Variants in CACNA1A observed in about 807,000 individuals in gnomAD.
The protein encoded by CACNA1A is calcium voltage-gated channel subunit alpha1 A, also known as voltage-dependent P/Q-type calcium channel subunit alpha-1A.
Under a neutral mutation model 262.4 loss-of-function variants are expected in CACNA1A, and 57 were observed. The observed-to-expected ratio is 0.22, with a 90% CI of 0.18 to 0.27. CACNA1A has a LOEUF of 0.27. CACNA1A is among the 10% of genes least tolerant of loss of function. The probability of loss-of-function intolerance (pLI) is 1.00; values close to 1 mark genes in which losing one functional copy is unlikely to be tolerated. For synonymous variants in CACNA1A, 1,431 were observed against 1,419.3 expected, an observed-to-expected ratio of 1.01 and a Z score of -0.18; for missense variants, 2,526 against 3,562.8, an observed-to-expected ratio of 0.71 and a Z score of 7.41.
Position 13,207,633 on chromosome 19 carries a change from G to A in CACNA1A, c.7201C>T (p.Pro2401Ser). Residue 2401 changes from proline to serine, a missense_variant, in exon 47 of 47, where the codon CCC (proline) becomes TCC (serine). Coordinates refer to ENST00000360228, the MANE Select transcript of CACNA1A (RefSeq NM_001127222.2). This position sits in a 1 kb window ranked among gnomAD's most constrained non-coding sequence, Gnocchi z 5.7. ...PASGPHVSEG[P>S]PGPRHHGYYR... ...TAGCCATGGTGCCGGGGACCCGGGG[G>A]CCCCTCGGACACGTGCGGGCCAGAT... is the stretch of plus-strand genomic sequence containing the variant. 2.7e-6 allele frequency: 4 copies of A among 1,478,032 alleles called. No homozygotes were observed. Among genetic ancestry groups the A allele is most frequent in the Non-Finnish European group, 3.6e-6 (4 of 1,115,076 alleles). 91.6% of individuals were successfully genotyped at this position (1,478,032 alleles called of 1,614,324 possible).
At chr19:13,446,443 T>C in intron 3 of CACNA1A, among the ~76,000 whole-genome samples, 1 of 67,748 alleles carries the variant, frequency 1.5e-5, no homozygotes, top group East Asian at 1.1e-3. Context: ...TTTTTCTTTC[T>C]TTTTTTTTTT....
In CACNA1A at chr19:13,406,468, TA is replaced by T. The variant is rs1568614389; in HGVS notation, c.540-34690del. Among the ~76,000 whole-genome samples, 104 of 13,776 alleles carry T rather than the reference TA, an allele frequency of 7.5e-3. 2 individuals are homozygous for T. The highest frequency in any genetic ancestry group is 0.049 in the South Asian group (22 of 450). The allele number at this position is 13,776 out of a possible 152,430, so 9.0% of individuals were successfully genotyped here. ...AGACTCTGTCTCAAAAAAAAAATTATATATATATATATATATATATATATAT... is the reference window on the plus strand; with the variant it reads ...AGACTCTGTCTCAAAAAAAAAATTATTATATATATATATATATATATATAT... On this transcript the variant is annotated intron_variant, in intron 3 of 46. Transcript: ENST00000360228.
chr19:13,317,899 T>A (rs539619678), intron 10 of CACNA1A, among the ~76,000 whole-genome samples: 12 of 152,332 alleles, frequency 7.9e-5, no homozygotes, highest in South Asian at 2.1e-4. Context: ...AGCCTGGACT[T>A]CCGGGGTCTG....
At chr19:13,366,792 C>T (rs144716104) in intron 4 of CACNA1A, among the ~76,000 whole-genome samples, 80 of 152,168 alleles carry the variant, frequency 5.3e-4, no homozygotes, top group African/African-American at 1.9e-3. Context: ...TCATAAAAGG[C>T]CGCCATATAG....
intron 36 of CACNA1A, 45 bp from the exon 37 acceptor site, chr19:13,227,572 A>C (rs748872290): frequency 9.2e-6 from 11 of 1,193,448 alleles, no homozygotes; most frequent in South Asian, 7.0e-5. Flanking sequence ...AAACAAAAAA[A>C]CAAAACGGGA....
chr19:13,441,802 C>T (rs939195391), intron 3 of CACNA1A, among the ~76,000 whole-genome samples: 1 of 152,100 alleles, frequency 6.6e-6, no homozygotes, highest in Non-Finnish European at 1.5e-5. Flanking sequence ...GGCATGCAAA[C>T]TGTAGAGGCA....
chr19:13,267,708 C>T (rs560560225), intron 24 of CACNA1A, among the ~76,000 whole-genome samples: 3 of 152,054 alleles, frequency 2.0e-5, no homozygotes, highest in South Asian at 2.1e-4. Flanking sequence ...CTTGGGAGGA[C>T]GAGTTGGGAA....
intron 1 of CACNA1A, among the ~76,000 whole-genome samples, chr19:13,490,437 T>C (rs1411465707): frequency 6.6e-6 from 1 of 152,002 alleles, no homozygotes; most frequent in African/African-American, 2.4e-5. Context: ...ACTCCATCTC[T>C]ACTAAAAATG....
Position 13,209,305 on chromosome 19 carries a change from T to G in CACNA1A, c.6526+7A>C, listed in dbSNP as rs972428713. 3 of 1,422,222 alleles carry G rather than the reference T, an allele frequency of 2.1e-6. No homozygotes were observed. Among genetic ancestry groups the G allele is most frequent in the Non-Finnish European group, 1.8e-6 (2 of 1,085,096 alleles). 88.1% of individuals were successfully genotyped at this position (1,422,222 alleles called of 1,614,324 possible). ...TGCTTGTCCCTGAGCACCACAGGGC[T>G]GCCCACCTGTGTCCACATCGGTGTA... On this transcript the variant is annotated splice_region_variant and intron_variant, in intron 45 of 46. Transcript: ENST00000360228.
intron 3 of CACNA1A, among the ~76,000 whole-genome samples, chr19:13,393,943 G>A (rs1004854512): frequency 4.0e-5 from 6 of 151,772 alleles, no homozygotes; most frequent in African/African-American, 1.2e-4. Flanking sequence ...AGCCTCACTC[G>A]GCTATGTTCT....
chr19:13,261,855 T>C (rs1292051401), intron 25 of CACNA1A: 1 of 445,680 alleles, frequency 2.2e-6, no homozygotes, highest in African/African-American at 2.0e-5. Context: ...TTTTAAGTGA[T>C]ACAGGAGCCC....
At chr19:13,288,014 G>A (rs2057445033) in intron 19 of CACNA1A, among the ~76,000 whole-genome samples, 1 of 151,918 alleles carries the variant, frequency 6.6e-6, no homozygotes. Flanking sequence ...TGTTGCCCAG[G>A]GTGGTCTCAA....
chr19:13,489,812 C>T (rs1212018206), intron 1 of CACNA1A, among the ~76,000 whole-genome samples: 1 of 152,156 alleles, frequency 6.6e-6, no homozygotes, highest in African/African-American at 2.4e-5. Flanking sequence ...CTCCTCAGAT[C>T]ACCCTAAATC....
At chr19:13,425,739 G>C (rs2060390535) in intron 3 of CACNA1A, among the ~76,000 whole-genome samples, 1 of 152,014 alleles carries the variant, frequency 6.6e-6, no homozygotes, top group Non-Finnish European at 1.5e-5. Flanking sequence ...TTCATCGCAG[G>C]CCTCAATGAA....
intron 28 of CACNA1A, among the ~76,000 whole-genome samples, chr19:13,255,559 C>T (rs1037282419): frequency 1.1e-4 from 17 of 152,096 alleles, no homozygotes; most frequent in Non-Finnish European, 2.2e-4. Context: ...CTTTGCAGAT[C>T]ACCAAAATAG....
At chr19:13,298,445 A>G in intron 19 of CACNA1A, 99 bp downstream of exon 19, 1 of 1,165,788 alleles carries the variant, frequency 8.6e-7, no homozygotes. Flanking sequence ...AGCATTTTAT[A>G]ATATATTTTT....
At chr19:13,476,643 C>A (rs932777928) in intron 1 of CACNA1A, among the ~76,000 whole-genome samples, 2 of 152,080 alleles carry the variant, frequency 1.3e-5, no homozygotes, top group Non-Finnish European at 2.9e-5. Context: ...GTGACTGTTG[C>A]ATAACAGGGT....
chr19:13,346,663 TATA>T (rs1207737869), intron 6 of CACNA1A, among the ~76,000 whole-genome samples: 13 of 5,566 alleles, frequency 2.3e-3, no homozygotes, highest in African/African-American at 2.7e-3. Context: ...TATATATATA[TATA>T]TTTTTTTTTT....
At chr19:13,391,199 A>T (rs2059705209) in intron 3 of CACNA1A, among the ~76,000 whole-genome samples, 1 of 152,110 alleles carries the variant, frequency 6.6e-6, no homozygotes, top group Non-Finnish European at 1.5e-5. Flanking sequence ...TTGCATCTTT[A>T]TTTGAACAAA....
Sources: allele counts gnomAD v4.1 joint callset (sites outside exome capture counted in the v4.1 genomes callset), GRCh38; gene constraint gnomAD v4.1.1; non-coding constraint Gnocchi (gnomAD v3.1); transcripts MANE v1.5; gene names NCBI Gene and HGNC (gene_info 2026-07-23, HGNC 2026-07-21).